The following COL25A1 variants were observed in gnomAD, a reference collection of about 807,000 sequenced individuals.
COL25A1 encodes the protein collagen alpha-1(XXV) chain.
In COL25A1, 103 loss-of-function variants were observed where a neutral mutation model predicts 128.4. The observed-to-expected ratio is 0.80, with a 90% CI of 0.68 to 0.94. The LOEUF (loss-of-function observed/expected upper bound fraction) is 0.94. Ranked by LOEUF, COL25A1 falls within the 40% of genes least tolerant of loss-of-function variation. The probability of loss-of-function intolerance (pLI) is 0.00; values close to 1 mark genes in which losing one functional copy is unlikely to be tolerated. For missense variants in COL25A1, 745 were observed against 840.0 expected, an observed-to-expected ratio of 0.89 and a Z score of 1.40; for synonymous variants, 279 against 277.2, an observed-to-expected ratio of 1.01 and a Z score of -0.06.
chr4:109,085,465 T>C (rs80277461), intron 3 of COL25A1, among the ~76,000 whole-genome samples: 3,723 of 152,272 alleles, frequency 0.024, 170 homozygotes, highest in African/African-American at 0.084. Context: ...TCAATTTAGG[T>C]CAATTTCATT....
At chr4:108,912,374 A>T (rs1191546215) in intron 13 of COL25A1, among the ~76,000 whole-genome samples, 1 of 152,166 alleles carries the variant, frequency 6.6e-6, no homozygotes, top group African/African-American at 2.4e-5. Context: ...AAATTAAAAA[A>T]TATAATTCTC....
rs1258042467 is a variant in COL25A1 at position 108,853,035 on chromosome 4, A to G, written c.1321-110T>C. On this transcript the variant is annotated intron_variant, in intron 24 of 37. Coordinates refer to ENST00000399132, the MANE Select transcript of COL25A1 (RefSeq NM_198721.4). ...TTTGAATATGTTTGGCTAGTCTGAT[A>G]TCTTAAAAGGATTTGACAAGATACT... is the stretch of plus-strand genomic sequence containing the variant. 4.5e-6 allele frequency: 4 copies of G among 896,498 alleles called. No homozygotes were observed. In the East Asian group the frequency reaches 7.4e-5, roughly 17 times the overall value. 55.5% of individuals were successfully genotyped at this position (896,498 alleles called of 1,614,324 possible). A position where few individuals can be genotyped will look rare whatever the true frequency, so the allele number is the denominator to read the frequency against.
At chr4:108,998,542 A>G (rs1045156123) in intron 6 of COL25A1, among the ~76,000 whole-genome samples, 2 of 152,224 alleles carry the variant, frequency 1.3e-5, no homozygotes, top group Non-Finnish European at 2.9e-5. Flanking sequence ...CAACCTGCCC[A>G]AGGTAATTTA....
chr4:108,814,053 T>C (rs11733727), intron 37 of COL25A1, 124 bp from the exon 38 acceptor site: 381,773 of 693,010 alleles, frequency 0.55, 107,133 homozygotes, highest in South Asian at 0.61. Context: ...GCCAACTGAC[T>C]GGCTATCAAT....
rs190905891 is a variant in COL25A1, at chr4:109,209,546, T to C, written c.367+91037A>G. Among the ~76,000 whole-genome samples, 456 of 152,282 alleles carry C rather than the reference T, an allele frequency of 3.0e-3. 1 individual carries two copies. Among genetic ancestry groups the C allele is most frequent in the African/African-American group, 0.01 (423 of 41,572 alleles). On this transcript the variant is annotated intron_variant, in intron 3 of 37. Transcript: ENST00000399132. ...TAAATTTTAGTATCTTTGGGGATAT[T>C]TATGAGATTCATAAAACAGAATTGA...
At chr4:108,983,748 C>T (rs959567458) in intron 6 of COL25A1, among the ~76,000 whole-genome samples, 2 of 151,040 alleles carry the variant, frequency 1.3e-5, no homozygotes, top group African/African-American at 4.9e-5. Flanking sequence ...TAAGGCGGTG[C>T]GTCTGGAGTT....
chr4:108,851,539 G>A (rs566641464), intron 26 of COL25A1, among the ~76,000 whole-genome samples: 3 of 152,182 alleles, frequency 2.0e-5, no homozygotes, highest in African/African-American at 4.8e-5. Flanking sequence ...ATCCAATGAC[G>A]AAAGTCATAT....
At chr4:108,994,822 C>T (rs1381700712) in intron 6 of COL25A1, among the ~76,000 whole-genome samples, 1 of 152,166 alleles carries the variant, frequency 6.6e-6, no homozygotes, top group Non-Finnish European at 1.5e-5. Flanking sequence ...GATACCCAGG[C>T]AAACAGGGTC....
intron 3 of COL25A1, among the ~76,000 whole-genome samples, chr4:109,249,266 C>T (rs770651071): frequency 4.6e-5 from 7 of 152,140 alleles, no homozygotes; most frequent in African/African-American, 1.2e-4. Context: ...TCCTTATATG[C>T]GTCATCTCCT....
At chr4:109,125,185 T>C (rs1768473429) in intron 3 of COL25A1, among the ~76,000 whole-genome samples, 2 of 152,094 alleles carry the variant, frequency 1.3e-5, no homozygotes, top group African/African-American at 4.8e-5. Flanking sequence ...ATTACTACAA[T>C]GTGTATGTGG....
intron 5 of COL25A1, among the ~76,000 whole-genome samples, chr4:109,028,782 G>A (rs888724734): frequency 6.6e-6 from 1 of 152,082 alleles, no homozygotes; most frequent in Non-Finnish European, 1.5e-5. Context: ...AGCTAGCAAG[G>A]GAGGAGTGGT....
At chr4:109,150,910 CTAAT>C (rs541390756) in intron 3 of COL25A1, among the ~76,000 whole-genome samples, 2 of 152,156 alleles carry the variant, frequency 1.3e-5, no homozygotes, top group South Asian at 2.1e-4. Context: ...TATTTCCAAA[CTAAT>C]TAAGCTCTGC....
intron 3 of COL25A1, among the ~76,000 whole-genome samples, chr4:109,204,703 T>C (rs1776841910): frequency 6.6e-6 from 1 of 152,154 alleles, no homozygotes; most frequent in South Asian, 2.1e-4. Context: ...AGATTTGATA[T>C]TGTCTATCCT....
In COL25A1 at chr4:108,905,481, A is replaced by G. The variant is rs146066762; in HGVS notation, c.781-4309T>C. Among the ~76,000 whole-genome samples, 1,132 of 151,704 alleles carry G rather than the reference A, an allele frequency of 7.5e-3. 9 individuals carry two copies. The highest frequency in any genetic ancestry group is 0.026 in the African/African-American group (1,058 of 41,466). ...GTATACATACGTAACTAACCTGCACAATGTGCACATGTACCCTAAAACTTA... is the reference window on the plus strand; with the variant it reads ...GTATACATACGTAACTAACCTGCACGATGTGCACATGTACCCTAAAACTTA... On this transcript the variant is annotated intron_variant, in intron 13 of 37. Transcript: ENST00000399132.
At chr4:108,866,442 C>T (rs1737932071) in intron 20 of COL25A1, among the ~76,000 whole-genome samples, 1 of 151,320 alleles carries the variant, frequency 6.6e-6, no homozygotes, top group African/African-American at 2.4e-5. Context: ...ATCTGCCTGC[C>T]TCAGCCTCCC....
intron 3 of COL25A1, among the ~76,000 whole-genome samples, chr4:109,191,523 G>A (rs1214196624): frequency 1.3e-5 from 2 of 152,128 alleles, no homozygotes; most frequent in East Asian, 3.9e-4. Context: ...TTTCACCTCG[G>A]CCAACCACCA....
chr4:109,106,170 T>G (rs1766409323), intron 3 of COL25A1, among the ~76,000 whole-genome samples: 1 of 152,172 alleles, frequency 6.6e-6, no homozygotes, highest in African/African-American at 2.4e-5. Context: ...CAAATTATCT[T>G]TCTCTTTTTG....
In COL25A1 at chr4:109,119,916, T is replaced by C. The variant is rs553755345; in HGVS notation, c.368-69737A>G. 7.2e-5 allele frequency among the ~76,000 whole-genome samples: 11 copies of C among 152,074 alleles called. No homozygotes were observed. The South Asian group carries it at 2.3e-3, about 32-fold the overall frequency. On this transcript the variant is annotated intron_variant, in intron 3 of 37. Transcript: ENST00000399132. Reference sequence around the variant, plus strand: ...TACTAGCAAATAAAATTCAACAATGTATAAAAATAATGATACACCAAAACC... The same window carrying C: ...TACTAGCAAATAAAATTCAACAATGCATAAAAATAATGATACACCAAAACC...
At chr4:108,828,693 T>C (rs1301081070) in intron 32 of COL25A1, among the ~76,000 whole-genome samples, 5 of 152,234 alleles carry the variant, frequency 3.3e-5, no homozygotes, top group African/African-American at 7.2e-5. Context: ...TTGAAGTGTT[T>C]GTCAGTATTT....
Sources: allele counts gnomAD v4.1 joint callset (sites outside exome capture counted in the v4.1 genomes callset), GRCh38; gene constraint gnomAD v4.1.1; transcripts MANE v1.5; gene names NCBI Gene and HGNC (gene_info 2026-07-23, HGNC 2026-07-21).